Variants in TENM3 observed in about 807,000 individuals in gnomAD.
TENM3 encodes teneurin transmembrane protein 3, also known as teneurin-3.
A neutral mutation model predicts 255.1 loss-of-function variants in TENM3; 63 were observed. The ratio of observed to expected loss-of-function variants is 0.25; its 90% CI spans 0.20 to 0.30. TENM3 has a LOEUF of 0.30. Ranked by LOEUF, TENM3 falls within the 10% of genes least tolerant of loss-of-function variation. TENM3 has a pLI of 1.00. For missense variants in TENM3, 2,929 were observed against 3,461.1 expected, an observed-to-expected ratio of 0.85 and a Z score of 3.86; for synonymous variants, 1,306 against 1,322.3, an observed-to-expected ratio of 0.99 and a Z score of 0.27.
At chr4:182,153,731 T>G (rs1054910760) in intron 1 of TENM3, among the ~76,000 whole-genome samples, 1 of 152,146 alleles carries the variant, frequency 6.6e-6, no homozygotes, top group Non-Finnish European at 1.5e-5. Flanking sequence ...GACACTGTAT[T>G]GTACTTCAGA....
chr4:181,479,523 C>G, the TENM3 span, among the ~76,000 whole-genome samples: 8 of 152,132 alleles, frequency 5.3e-5, no homozygotes, highest in African/African-American at 1.9e-4. Flanking sequence ...GTCCAGCCCT[C>G]CTGTCTTCCT....
chr4:181,743,940 A>AT, the TENM3 span, among the ~76,000 whole-genome samples: 3 of 152,080 alleles, frequency 2.0e-5, no homozygotes, highest in Admixed American at 6.6e-5. Context: ...CCCAGTATCC[A>AT]TTAGTGATTC....
chr4:181,952,992 C>T, the TENM3 span, among the ~76,000 whole-genome samples: 75 of 152,262 alleles, frequency 4.9e-4, no homozygotes, highest in African/African-American at 1.5e-3. Flanking sequence ...GCTACTGATG[C>T]GACTGATTGC....
chr4:181,662,012 T>C, the TENM3 span, among the ~76,000 whole-genome samples: 11 of 152,292 alleles, frequency 7.2e-5, no homozygotes, highest in Admixed American at 6.5e-4. Context: ...AAATTCTTCA[T>C]GTAGTAACAT....
intron 1 of TENM3, among the ~76,000 whole-genome samples, chr4:182,152,435 T>G (rs1750409391): frequency 6.6e-6 from 1 of 151,980 alleles, no homozygotes; most frequent in Non-Finnish European, 1.5e-5. Flanking sequence ...GTCCTTACTT[T>G]TAGAATAATT....
chr4:182,260,582 C>T (rs1479971233), intron 1 of TENM3, among the ~76,000 whole-genome samples: 1 of 152,028 alleles, frequency 6.6e-6, no homozygotes, highest in African/African-American at 2.4e-5. Context: ...TTTTTTTATA[C>T]TTCTGTTTTT....
chr4:182,775,286 C>A, intron 24 of TENM3, 133 bp downstream of exon 24: 3 of 797,780 alleles, frequency 3.8e-6, no homozygotes, highest in Non-Finnish European at 6.1e-6. Context: ...AGTGTGGTTC[C>A]AATCCCACAT....
chr4:182,038,202 C>T, the TENM3 span, among the ~76,000 whole-genome samples: 142 of 152,184 alleles, frequency 9.3e-4, no homozygotes, highest in African/African-American at 3.2e-3. Flanking sequence ...AGTCCAATTT[C>T]AAACATCCAT....
chr4:181,795,865 G>T, the TENM3 span, among the ~76,000 whole-genome samples: 1 of 152,138 alleles, frequency 6.6e-6, no homozygotes, highest in African/African-American at 2.4e-5. Context: ...ACCTGGGTTA[G>T]ATTTGTGTTT....
upstream of TENM3, among the ~76,000 whole-genome samples, chr4:182,242,003 C>CTTT (rs763045070): frequency 7.9e-6 from 1 of 125,804 alleles, no homozygotes; most frequent in African/African-American, 3.1e-5. Flanking sequence ...AATTTGCCTT[C>CTTT]TTTTTTTTTT....
intron 3 of TENM3, among the ~76,000 whole-genome samples, chr4:182,389,691 CT>C (rs3072378): frequency 0.068 from 9,112 of 133,178 alleles, 1,154 homozygotes; most frequent in African/African-American, 0.23. Flanking sequence ...GTAGATGACT[CT>C]TTTTTTTTTT....
chr4:181,705,013 G>C, the TENM3 span, among the ~76,000 whole-genome samples: 6 of 149,330 alleles, frequency 4.0e-5, no homozygotes, highest in South Asian at 2.2e-4. Flanking sequence ...TCCAGCCTGG[G>C]TGACAGAGTG....
chr4:181,718,288 T>C, the TENM3 span, among the ~76,000 whole-genome samples: 1 of 152,200 alleles, frequency 6.6e-6, no homozygotes, highest in Non-Finnish European at 1.5e-5. Context: ...GAAACCTCTA[T>C]AGCTGACTGC....
At chr4:181,762,246 G>T in the TENM3 span, among the ~76,000 whole-genome samples, 2 of 152,170 alleles carry the variant, frequency 1.3e-5, no homozygotes, top group African/African-American at 4.8e-5. Flanking sequence ...GTGGGTAGCA[G>T]TAGAATGAGA....
At chr4:182,287,763 T>G (rs146168493) in intron 1 of TENM3, among the ~76,000 whole-genome samples, 4,287 of 146,602 alleles carry the variant, frequency 0.029, 203 homozygotes, top group African/African-American at 0.1. Context: ...ACAGGCGCCC[T>G]CCACCACACC....
In TENM3 at chr4:182,696,975, T is replaced by C. The variant is rs981434695; in HGVS notation, c.2221+8624T>C. ...ATCTTGGGAAATTACTTAAGCCCCC[T>C]GTGCCTCAGTTTACTCATCTATAAA... On this transcript the variant is annotated intron_variant, in intron 12 of 27. Transcript: ENST00000511685. 2.0e-5 allele frequency among the ~76,000 whole-genome samples: 3 copies of C among 147,314 alleles called. No individual in the cohort carries two copies. The Admixed American group carries it at 2.0e-4, about 10-fold the overall frequency.
chr4:182,348,591 G>A (rs1027803932), intron 3 of TENM3, among the ~76,000 whole-genome samples: 3 of 152,130 alleles, frequency 2.0e-5, no homozygotes, highest in Non-Finnish European at 2.9e-5. Flanking sequence ...CACATCCATA[G>A]CTATCAAATA....
chr4:182,250,771 T>C (rs1757960658), intron 1 of TENM3, among the ~76,000 whole-genome samples: 3 of 152,236 alleles, frequency 2.0e-5, no homozygotes. Flanking sequence ...TAAGCATTTT[T>C]ATATTTCTGT....
At position 182,338,705 on chromosome 4, in the gene TENM3, G is replaced by A. The variant is rs1309843126; in HGVS notation, c.233-7946G>A. ...CTTTGATTAAAATAATAATGTCTCT[G>A]CACCATTTTATCCTGCTTTGGATGT... On this transcript the variant is annotated intron_variant, in intron 2 of 27. Transcript: ENST00000511685. 2.0e-5 allele frequency among the ~76,000 whole-genome samples: 3 copies of A among 151,916 alleles called. No individual in the cohort carries two copies. The East Asian group carries it at 5.8e-4, about 29-fold the overall frequency.
Sources: allele counts gnomAD v4.1 joint callset (sites outside exome capture counted in the v4.1 genomes callset), GRCh38; gene constraint gnomAD v4.1.1; transcripts MANE v1.5; gene names NCBI Gene and HGNC (gene_info 2026-07-23, HGNC 2026-07-21).